NR6A1: variants seen among roughly 807,000 people sequenced by gnomAD.
NR6A1 encodes nuclear receptor subfamily 6 group A member 1.
In NR6A1, 7 loss-of-function variants were observed where a neutral mutation model predicts 59.1. That is an observed-to-expected ratio of 0.12 (90% CI 0.07 to 0.22). The LOEUF is 0.22. Among genes scored for constraint, NR6A1 ranks in the 10% least tolerant of loss-of-function variants. The pLI, the probability that NR6A1 is intolerant of heterozygous loss-of-function variation, is 1.00. For synonymous variants in NR6A1, 243 were observed against 236.1 expected, an observed-to-expected ratio of 1.03 and a Z score of -0.27; for missense variants, 468 against 611.6, an observed-to-expected ratio of 0.77 and a Z score of 2.48.
chr9:124,623,587 C>A (rs1836144301), intron 2 of NR6A1, among the ~76,000 whole-genome samples: 1 of 150,710 alleles, frequency 6.6e-6, no homozygotes, highest in Non-Finnish European at 1.5e-5. Context: ...GTCTTCTGGG[C>A]TCGTGTGATG....
intron 2 of NR6A1, among the ~76,000 whole-genome samples, chr9:124,615,504 T>C (rs1431629044): frequency 6.6e-6 from 1 of 152,198 alleles, no homozygotes; most frequent in Non-Finnish European, 1.5e-5. Flanking sequence ...GTTATTATAA[T>C]CAGTAGCAAC....
intron 3 of NR6A1, among the ~76,000 whole-genome samples, chr9:124,551,760 T>C (rs531827692): frequency 2.0e-5 from 3 of 152,368 alleles, no homozygotes; most frequent in Non-Finnish European, 4.4e-5. Flanking sequence ...TTTTCACATA[T>C]AGTAACATTT....
chr9:124,583,131 C>T (rs753752546), intron 2 of NR6A1, among the ~76,000 whole-genome samples: 3 of 152,184 alleles, frequency 2.0e-5, no homozygotes, highest in Admixed American at 6.5e-5. Flanking sequence ...CAGCAAATCA[C>T]GCACCCACCC....
At chr9:124,734,909 C>A (rs915785021) in intron 1 of NR6A1, among the ~76,000 whole-genome samples, 5 of 152,126 alleles carry the variant, frequency 3.3e-5, no homozygotes, top group African/African-American at 9.7e-5. Context: ...GTGATGCAAT[C>A]TCAGCTCACT....
At chr9:124,603,661 G>A (rs767085275) in intron 2 of NR6A1, among the ~76,000 whole-genome samples, 44 of 152,064 alleles carry the variant, frequency 2.9e-4, no homozygotes, top group Non-Finnish European at 5.4e-4. Context: ...ATGAGACCAA[G>A]GACTGTGCCC....
intron 2 of NR6A1, among the ~76,000 whole-genome samples, chr9:124,718,803 C>T (rs982830391): frequency 7.7e-5 from 5 of 64,538 alleles, no homozygotes; most frequent in Admixed American, 2.5e-4. Context: ...AAATTGTTAC[C>T]TTTTTTTTTT....
At chr9:124,540,971 A>G (rs1833425546) in intron 4 of NR6A1, among the ~76,000 whole-genome samples, 1 of 152,152 alleles carries the variant, frequency 6.6e-6, no homozygotes, top group Admixed American at 6.6e-5. Flanking sequence ...CCGTTCACAG[A>G]AGTCAACCTC....
At chr9:124,654,875 T>TTC (rs376956125) in intron 2 of NR6A1, among the ~76,000 whole-genome samples, 2 of 123,876 alleles carry the variant, frequency 1.6e-5, no homozygotes, top group Non-Finnish European at 3.3e-5. Flanking sequence ...TTTTTTTTTG[T>TTC]ACACACACAC....
chr9:124,709,850 G>A (rs548719007), intron 2 of NR6A1, among the ~76,000 whole-genome samples: 28 of 151,416 alleles, frequency 1.8e-4, no homozygotes, highest in African/African-American at 6.5e-4. Context: ...CAGGAGAATC[G>A]CTTGAACCTT....
intron 2 of NR6A1, among the ~76,000 whole-genome samples, chr9:124,619,816 C>T (rs182543387): frequency 6.6e-6 from 1 of 152,188 alleles, no homozygotes; most frequent in Admixed American, 6.5e-5. Context: ...AATCCCAGCA[C>T]TTTGGGAGGC....
intron 2 of NR6A1, among the ~76,000 whole-genome samples, chr9:124,670,542 T>G (rs1440047635): frequency 1.3e-5 from 2 of 152,212 alleles, no homozygotes; most frequent in Non-Finnish European, 2.9e-5. Flanking sequence ...GTCTCCAGGT[T>G]AGCTCCACGC....
chr9:124,624,491 T>C (rs572815553), intron 2 of NR6A1, among the ~76,000 whole-genome samples: 2 of 152,296 alleles, frequency 1.3e-5, no homozygotes, highest in African/African-American at 4.8e-5. Context: ...TCATATTAGG[T>C]ATCTTTTCTT....
rs951851561 is a variant in NR6A1, at chr9:124,684,187, C to T, written c.142+49121G>A. 5.3e-5 allele frequency among the ~76,000 whole-genome samples: 8 copies of T among 152,182 alleles called. No homozygotes were observed. In the East Asian group the frequency reaches 1.5e-3, roughly 29 times the overall value. On this transcript the variant is annotated intron_variant, in intron 2 of 9. Transcript: ENST00000487099. Reference sequence around the variant, plus strand: ...CTTCCTTACCCATCCAGCATTTCTACCATCACCCACTAAAAAGGAGTGACA... The same window carrying T: ...CTTCCTTACCCATCCAGCATTTCTATCATCACCCACTAAAAAGGAGTGACA...
chr9:124,705,789 T>C (rs1839113242), intron 2 of NR6A1, among the ~76,000 whole-genome samples: 1 of 152,082 alleles, frequency 6.6e-6, no homozygotes, highest in South Asian at 2.1e-4. Context: ...CCCCTTTTTT[T>C]TTTTTTGACA....
chr9:124,712,282 A>G (rs1839299977), intron 2 of NR6A1, among the ~76,000 whole-genome samples: 2 of 152,198 alleles, frequency 1.3e-5, no homozygotes, highest in African/African-American at 4.8e-5. Context: ...ATAAAAGGGA[A>G]TATGCCCAAA....
chr9:124,702,727 T>G (rs117872368), intron 2 of NR6A1, among the ~76,000 whole-genome samples: 2,313 of 152,100 alleles, frequency 0.015, 29 homozygotes, highest in Middle Eastern at 0.095. Context: ...TCCCCCCTCA[T>G]CTTCTGCCAT....
chr9:124,761,905 G>A (rs1414691179), intron 1 of NR6A1, among the ~76,000 whole-genome samples: 1 of 152,138 alleles, frequency 6.6e-6, no homozygotes, highest in Non-Finnish European at 1.5e-5. Context: ...CATGTAGCAG[G>A]TAACAAAAGC....
At chr9:124,630,707 T>TCGCTCTTGTTGCCCAGGCTAGA (rs1836413541) in intron 2 of NR6A1, among the ~76,000 whole-genome samples, 1 of 141,176 alleles carries the variant, frequency 7.1e-6, no homozygotes, top group African/African-American at 3.0e-5. Context: ...AGACAGAGTT[T>TCGCTCTTGTTGCCCAGGCTAGA]CGCTCTTGTT....
intron 2 of NR6A1, among the ~76,000 whole-genome samples, chr9:124,643,370 G>T (rs1245651453): frequency 6.6e-6 from 1 of 152,038 alleles, no homozygotes; most frequent in Non-Finnish European, 1.5e-5. Context: ...AGAGGCTGAG[G>T]CGGGTGGATC....
Sources: gnomAD v4.1 joint callset for allele counts (sites outside exome capture counted in the v4.1 genomes callset) on GRCh38, gnomAD v4.1.1 for gene constraint, MANE v1.5 for transcripts, NCBI Gene and HGNC (gene_info 2026-07-23, HGNC 2026-07-21) for gene names.